Variants in SNTG2 observed in about 807,000 individuals in gnomAD.
SNTG2 encodes gamma-2-syntrophin.
In SNTG2, 74 loss-of-function variants were observed where a neutral mutation model predicts 70.9. The observed-to-expected ratio is 1.04, with a 90% CI of 0.86 to 1.27. SNTG2 has a LOEUF of 1.27. Ranked by LOEUF, SNTG2 falls within the 50% of genes most tolerant of loss-of-function variation. The pLI is 0.00. For synonymous variants in SNTG2, 278 were observed against 273.8 expected (o/e 1.02, Z -0.15); for missense variants, 717 against 690.7 (o/e 1.04, Z -0.43).
chr2:1,238,609 C>T (rs1371437258), intron 10 of SNTG2, among the ~76,000 whole-genome samples: 11 of 152,200 alleles, frequency 7.2e-5, no homozygotes, highest in South Asian at 4.1e-4. Flanking sequence ...CTTGATGACA[C>T]GGGCGTTGCC....
At chr2:1,225,072 T>C (rs1675682061) in intron 9 of SNTG2, among the ~76,000 whole-genome samples, 2 of 152,266 alleles carry the variant, frequency 1.3e-5, no homozygotes, top group African/African-American at 4.8e-5. Flanking sequence ...GACTGAGTTC[T>C]TTATAAAGCT....
At chr2:1,059,104 C>T (rs1472701914) in intron 1 of SNTG2, 1 of 152,244 alleles carries the variant, frequency 6.6e-6, no homozygotes, top group Non-Finnish European at 1.5e-5. Context: ...TCACCTTCGT[C>T]TTTGAACTGC....
At position 1,023,188 on chromosome 2, in the gene SNTG2, A is replaced by G. The variant is rs568922323; in HGVS notation, c.73-60330A>G. ...TTTCTGGCCCGTGTCTTGAGGAGAG[A>G]ATTAGTCTGGGCCCATGTTATTTAT... On this transcript the variant is annotated intron_variant, in intron 1 of 16. Transcript: ENST00000308624. 6.6e-5 allele frequency among the ~76,000 whole-genome samples: 10 copies of G among 151,524 alleles called. No homozygotes were observed. The East Asian group carries it at 1.9e-3, about 29-fold the overall frequency.
At chr2:1,034,262 T>C in intron 1 of SNTG2, among the ~76,000 whole-genome samples, 1 of 152,192 alleles carries the variant, frequency 6.6e-6, no homozygotes, top group East Asian at 1.9e-4. Context: ...GCTCCATCCA[T>C]ATTCCTACAA....
At chr2:1,196,851 T>C (rs1672939764) in intron 8 of SNTG2, among the ~76,000 whole-genome samples, 1 of 152,080 alleles carries the variant, frequency 6.6e-6, no homozygotes, top group Non-Finnish European at 1.5e-5. Flanking sequence ...TAGTCACCAT[T>C]AGACTGGTTC....
At chr2:969,701 T>G (rs1280815321) in intron 1 of SNTG2, among the ~76,000 whole-genome samples, 1 of 152,230 alleles carries the variant, frequency 6.6e-6, no homozygotes, top group Non-Finnish European at 1.5e-5. Flanking sequence ...CTGAGTTTTG[T>G]ATATTCATTT....
chr2:1,259,711 A>T (rs1253163046), intron 13 of SNTG2, among the ~76,000 whole-genome samples: 1 of 152,096 alleles, frequency 6.6e-6, no homozygotes, highest in Admixed American at 6.5e-5. Flanking sequence ...TACGGGAGAG[A>T]TGTGTTTTAT....
chr2:1,204,090 C>T (rs141100750), intron 8 of SNTG2, among the ~76,000 whole-genome samples: 2 of 152,158 alleles, frequency 1.3e-5, no homozygotes, highest in African/African-American at 4.8e-5. Flanking sequence ...CAAAACTAGT[C>T]TATAACAGCA....
At chr2:1,264,560 C>T (rs1572888802) in intron 13 of SNTG2, among the ~76,000 whole-genome samples, 1 of 152,316 alleles carries the variant, frequency 6.6e-6, no homozygotes, top group East Asian at 1.9e-4. Flanking sequence ...TTGCTGTGCA[C>T]CACAGATTGA....
chr2:1,324,383 T>C lies in SNTG2; in HGVS notation c.1488+8008T>C, dbSNP rs181602457. 2.0e-4 allele frequency among the ~76,000 whole-genome samples: 31 copies of C among 152,300 alleles called. No individual in the cohort carries two copies. In the East Asian group the frequency reaches 4.2e-3, roughly 21 times the overall value. ...GTAAAACAATAAGACATGCATAACA[T>C]TGATAATTTGAAGAGTAGAAATATA... On this transcript the variant is annotated intron_variant, in intron 16 of 16. Coordinates refer to ENST00000308624, the MANE Select transcript of SNTG2 (RefSeq NM_018968.4).
intron 14 of SNTG2, among the ~76,000 whole-genome samples, chr2:1,297,618 C>G (rs1273864662): frequency 6.6e-6 from 1 of 152,210 alleles, no homozygotes; most frequent in East Asian, 1.9e-4. Flanking sequence ...CAGCTCCTTC[C>G]CAGTGGCCCA....
chr2:1,128,718 A>T (rs950457214), intron 4 of SNTG2, among the ~76,000 whole-genome samples: 1 of 151,822 alleles, frequency 6.6e-6, no homozygotes, highest in Non-Finnish European at 1.5e-5. Context: ...AGAAACTAGG[A>T]CTTCTGCTTG....
At chr2:1,232,849 AT>A (rs1162215822) in intron 9 of SNTG2, among the ~76,000 whole-genome samples, 6 of 152,164 alleles carry the variant, frequency 3.9e-5, no homozygotes, top group Non-Finnish European at 8.8e-5. Context: ...AGTACTCGTA[AT>A]TTTCAGTCAT....
rs553151996 is a variant in SNTG2, at chr2:1,268,528, T to A, written c.1284+957T>A. Among the ~76,000 whole-genome samples, 105 of 152,328 alleles carry A rather than the reference T, an allele frequency of 6.9e-4. 1 individual carries two copies. Among genetic ancestry groups the A allele is most frequent in the African/African-American group, 2.5e-3 (104 of 41,570 alleles). On this transcript the variant is annotated intron_variant, in intron 14 of 16. Transcript: ENST00000308624. ...TAGAAACTGATGCCAATGTTTATTCTCATTTATCCCAGGCTGCTGTGATTT... is the reference window on the plus strand; with the variant it reads ...TAGAAACTGATGCCAATGTTTATTCACATTTATCCCAGGCTGCTGTGATTT...
intron 6 of SNTG2, among the ~76,000 whole-genome samples, chr2:1,164,048 G>GAA (rs1386841395): frequency 6.6e-6 from 1 of 152,198 alleles, no homozygotes; most frequent in Non-Finnish European, 1.5e-5. Context: ...AGTGACTGAA[G>GAA]AAATGAGGAG....
In SNTG2 at chr2:1,305,409, C is replaced by T. The variant is rs142248901; in HGVS notation, c.1285-3085C>T. On this transcript the variant is annotated intron_variant, in intron 14 of 16. Coordinates refer to ENST00000308624, the MANE Select transcript of SNTG2 (RefSeq NM_018968.4). ...ACAAAAATAAACATTCCCAGACTCC[C>T]TCCGATGTGGGAAGTGGGCCGTGAG... 2.2e-3 allele frequency among the ~76,000 whole-genome samples: 338 copies of T among 152,332 alleles called. 1 individual carries two copies. Among genetic ancestry groups the T allele is most frequent in the African/African-American group, 7.0e-3 (290 of 41,564 alleles).
Position 1,267,470 on chromosome 2 carries a change from C to T in SNTG2, c.1183C>T (p.His395Tyr). The change falls in exon 14 of 17, where the codon CAT becomes TAT. Residue 395 changes from histidine to tyrosine, a missense_variant. His to Tyr is a moderately conservative substitution (Grantham distance 83). Transcript: ENST00000308624. ...CTATTGCTTCAGCATCGTGGCCGGC[C>T]ATGGGAAGAGCCATGTTTTCAACGT... Reference protein sequence around the residue: ...RPYCFSIVAGHGKSHVFNVEL... With the variant: ...RPYCFSIVAGYGKSHVFNVEL... 1 of 1,613,882 alleles carries T rather than the reference C, an allele frequency of 6.2e-7. No individual in the cohort carries two copies. The highest frequency in any genetic ancestry group is 8.5e-7 in the Non-Finnish European group (1 of 1,179,872).
chr2:976,160 G>A (rs187456368), intron 1 of SNTG2, among the ~76,000 whole-genome samples: 1 of 152,318 alleles, frequency 6.6e-6, no homozygotes, highest in African/African-American at 2.4e-5. Context: ...TTTGTGGTGT[G>A]CTTATCAACA....
chr2:1,238,284 C>T (rs548902903), intron 10 of SNTG2, among the ~76,000 whole-genome samples: 1 of 152,298 alleles, frequency 6.6e-6, no homozygotes, highest in South Asian at 2.1e-4. Context: ...CTCTCTCCCT[C>T]CCTTCCTCTC....
Sources: gnomAD v4.1 joint callset for allele counts (sites outside exome capture counted in the v4.1 genomes callset) on GRCh38, gnomAD v4.1.1 for gene constraint, MANE v1.5 for transcripts, NCBI Gene and HGNC (gene_info 2026-07-23, HGNC 2026-07-21) for gene names.